The following TTC13 variants were observed in gnomAD, a reference collection of about 807,000 sequenced individuals.
TTC13 encodes the protein tetratricopeptide repeat protein 13.
Under a neutral mutation model 120.0 loss-of-function variants are expected in TTC13, and 62 were observed. The ratio of observed to expected loss-of-function variants is 0.52; its 90% CI spans 0.42 to 0.64. TTC13 has a LOEUF of 0.64. Among genes scored for constraint, TTC13 ranks in the 30% least tolerant of loss-of-function variants. TTC13 has a pLI of 0.00. For missense variants in TTC13, 824 were observed against 1,050.2 expected, an observed-to-expected ratio of 0.78 and a Z score of 2.98; for synonymous variants, 384 against 393.5, an observed-to-expected ratio of 0.98 and a Z score of 0.28.
rs1001926591 is a variant in TTC13 at position 230,911,633 on chromosome 1, T to C, written c.2230-84A>G. ...TAGGTGACAGAACACACAAGAATAA[T>C]CTACATCAAGAAGAGGATTGTTTTC... is the stretch of plus-strand genomic sequence containing the variant. On this transcript the variant is annotated intron_variant, in intron 19 of 22. Transcript: ENST00000366661. 5 of 817,226 alleles carry C rather than the reference T, an allele frequency of 6.1e-6. No homozygotes were observed. The African/African-American group carries it at 9.0e-5, about 15-fold the overall frequency. The allele number at this position is 817,226 out of a possible 1,614,324, so 50.6% of individuals were successfully genotyped here. A position where few individuals can be genotyped will look rare whatever the true frequency, so the allele number is the denominator to read the frequency against.
chr1:230,931,600 G>T, intron 10 of TTC13, 128 bp from the exon 11 acceptor site: 1 of 1,449,108 alleles, frequency 6.9e-7, no homozygotes, highest in Non-Finnish European at 9.4e-7. Flanking sequence ...CAGGACAAGA[G>T]CAATGATTTC....
At chr1:230,943,048 C>T (rs1206662860) in intron 6 of TTC13, among the ~76,000 whole-genome samples, 1 of 152,186 alleles carries the variant, frequency 6.6e-6, no homozygotes, top group Non-Finnish European at 1.5e-5. Context: ...TAAGTGCTTA[C>T]ACACATACAC....
chr1:230,935,193 T>G (rs1047773324), intron 8 of TTC13, among the ~76,000 whole-genome samples: 16 of 152,238 alleles, frequency 1.1e-4, no homozygotes, highest in African/African-American at 3.6e-4. Context: ...ACTTTACCAC[T>G]ATATTCTTAA....
At chr1:230,961,811 G>T (rs1404048978) in intron 1 of TTC13, among the ~76,000 whole-genome samples, 1 of 152,114 alleles carries the variant, frequency 6.6e-6, no homozygotes, top group Non-Finnish European at 1.5e-5. Context: ...AACTAATATT[G>T]TTGTTGAGAT....
At chr1:230,954,021 T>G (rs1445764959) in intron 4 of TTC13, among the ~76,000 whole-genome samples, 1 of 152,196 alleles carries the variant, frequency 6.6e-6, no homozygotes, top group East Asian at 1.9e-4. Flanking sequence ...GAAGCTAATG[T>G]TTTTTTAAAG....
At chr1:230,938,488 G>A (rs1263288296) in intron 8 of TTC13, among the ~76,000 whole-genome samples, 3 of 152,182 alleles carry the variant, frequency 2.0e-5, no homozygotes, top group African/African-American at 4.8e-5. Flanking sequence ...TGGAGGCCAC[G>A]TTTCTGCCCA....
At chr1:230,976,780 G>A (rs553286463) in intron 1 of TTC13, among the ~76,000 whole-genome samples, 1 of 152,344 alleles carries the variant, frequency 6.6e-6, no homozygotes, top group Non-Finnish European at 1.5e-5. Flanking sequence ...CGTAATACAA[G>A]TCAGAGCTGG....
chr1:230,925,296 C>G (rs1256077921), intron 13 of TTC13, among the ~76,000 whole-genome samples: 2 of 152,164 alleles, frequency 1.3e-5, no homozygotes, highest in African/African-American at 4.8e-5. Context: ...GGACTTAAGA[C>G]CTATATTCTA....
At chr1:230,923,158 AAAATT>A (rs1672747642) in intron 15 of TTC13, among the ~76,000 whole-genome samples, 1 of 152,232 alleles carries the variant, frequency 6.6e-6, no homozygotes, top group Non-Finnish European at 1.5e-5. Flanking sequence ...CATTTTATCT[AAAATT>A]AAATTCACTA....
chr1:230,921,527 T>C, intron 15 of TTC13, 23 bp from the exon 16 acceptor site: 1 of 1,241,318 alleles, frequency 8.1e-7, no homozygotes, highest in African/African-American at 1.6e-5. Flanking sequence ...AATAATAAAA[T>C]TAAGAATATT....
chr1:230,978,163 C>A lies in TTC13; in HGVS notation c.271+397G>T, dbSNP rs1332840856. On this transcript the variant is annotated intron_variant, in intron 1 of 22. Transcript: ENST00000366661. This position sits in a 1 kb window ranked among gnomAD's most constrained non-coding sequence, Gnocchi z 5.6. ...GGGGCGGGCTCCGCAAGCCGCCGGG[C>A]TGGTTGCTCGTCCGCCCGCCCCTCC... Among the ~76,000 whole-genome samples the A allele has an allele frequency of 6.6e-6, 1 of 152,190 alleles. No homozygotes were observed. Among genetic ancestry groups the A allele is most frequent in the Non-Finnish European group, 1.5e-5 (1 of 68,014 alleles).
intron 5 of TTC13, 65 bp from the exon 6 acceptor site, chr1:230,943,963 T>G (rs1674756078): frequency 2.7e-6 from 3 of 1,116,798 alleles, no homozygotes; most frequent in Non-Finnish European, 3.9e-6. Context: ...AAAAATTTTC[T>G]GAGAAAACTA....
intron 17 of TTC13, 59 bp downstream of exon 17, chr1:230,920,451 G>C (rs1272947289): frequency 8.4e-7 from 1 of 1,189,692 alleles, no homozygotes; most frequent in African/African-American, 1.5e-5. Flanking sequence ...TTTTAAAAAA[G>C]TGCTGTTGGT....
At chr1:230,967,745 C>T (rs943714549) in intron 1 of TTC13, among the ~76,000 whole-genome samples, 1 of 152,204 alleles carries the variant, frequency 6.6e-6, no homozygotes, top group Admixed American at 6.5e-5. Context: ...CTCACTATGG[C>T]TTTAATTACT....
chr1:230,918,298 C>T (rs1213138107), intron 17 of TTC13, among the ~76,000 whole-genome samples: 4 of 152,152 alleles, frequency 2.6e-5, no homozygotes, highest in East Asian at 3.8e-4. Flanking sequence ...AAAACCACAT[C>T]GCCAATGACA....
At chr1:230,947,848 G>A (rs530390964) in intron 4 of TTC13, among the ~76,000 whole-genome samples, 123 of 152,228 alleles carry the variant, frequency 8.1e-4, no homozygotes, top group Non-Finnish European at 1.5e-3. Flanking sequence ...TGGCATCCCC[G>A]CACACCCGTG....
chr1:230,975,229 C>T (rs1392571261), intron 1 of TTC13, among the ~76,000 whole-genome samples: 2 of 151,142 alleles, frequency 1.3e-5, no homozygotes, highest in African/African-American at 4.9e-5. Flanking sequence ...AAAAAAATAG[C>T]TGGGCATGGT....
intron 1 of TTC13, among the ~76,000 whole-genome samples, chr1:230,973,885 G>A (rs1347994430): frequency 6.6e-6 from 1 of 152,072 alleles, no homozygotes; most frequent in African/African-American, 2.4e-5. Flanking sequence ...AGACCAGCCT[G>A]GCCAACATGG....
chr1:230,967,410 T>G (rs1451618721), intron 1 of TTC13, among the ~76,000 whole-genome samples: 1 of 152,066 alleles, frequency 6.6e-6, no homozygotes, highest in East Asian at 1.9e-4. Flanking sequence ...TCTATTTTTT[T>G]TTTTACCAGA....
Sources: gnomAD v4.1 joint callset for allele counts (sites outside exome capture counted in the v4.1 genomes callset) on GRCh38, gnomAD v4.1.1 for gene constraint, Gnocchi (gnomAD v3.1) non-coding constraint, MANE v1.5 for transcripts, NCBI Gene and HGNC (gene_info 2026-07-23, HGNC 2026-07-21) for gene names.